The following ADAMTSL1 variants were observed in gnomAD, a reference collection of about 807,000 sequenced individuals.
ADAMTSL1 encodes the protein ADAMTS like 1, also known as ADAMTS-like protein 1.
In ADAMTSL1, 126 loss-of-function variants were observed where a neutral mutation model predicts 201.8. The ratio of observed to expected loss-of-function variants is 0.62; its 90% CI spans 0.54 to 0.72. The LOEUF (loss-of-function observed/expected upper bound fraction) is 0.72. Among genes scored for constraint, ADAMTSL1 ranks in the 30% least tolerant of loss-of-function variants. The pLI is 0.00. For missense variants in ADAMTSL1, 2,679 were observed against 2,277.8 expected (o/e 1.18, Z -3.59); for synonymous variants, 1,121 against 903.4 (o/e 1.24, Z -4.32).
At chr9:18,679,256 A>AT (rs1309391259) in intron 10 of ADAMTSL1, among the ~76,000 whole-genome samples, 1 of 152,198 alleles carries the variant, frequency 6.6e-6, no homozygotes, top group Non-Finnish European at 1.5e-5. Flanking sequence ...ACCCAGTGAC[A>AT]TTTTGTTTCT....
chr9:17,947,349 C>CA (rs1563913408), intron 1 of ADAMTSL1, among the ~76,000 whole-genome samples: 1 of 144,806 alleles, frequency 6.9e-6, no homozygotes, highest in African/African-American at 2.5e-5. Context: ...ACACACACCC[C>CA]ACTATGCACT....
In ADAMTSL1 at chr9:18,706,793, G is replaced by A. The variant is rs1477010817; in HGVS notation, c.1621G>A (p.Gly541Arg). 2 of 1,608,558 alleles carry A rather than the reference G, an allele frequency of 1.2e-6. No individual in the cohort carries two copies. The highest frequency in any genetic ancestry group is 2.2e-5 in the East Asian group (1 of 44,670). Residue 541 changes from glycine (G) to arginine (R), a missense_variant, in exon 14 of 29, where the codon GGG becomes AGG. Gly to Arg is a moderately radical substitution (Grantham distance 125). Transcript: ENST00000380548. ...GGCCTGCACAGTCACCTGTGGTGTG[G>A]GGACCCAGGTGCGAATAGTCAGGTG... ...WSACTVTCGVGTQVRIVRCQV... is the reference protein window; with the variant it reads ...WSACTVTCGVRTQVRIVRCQV...
chr9:18,874,620 T>C (rs1563878120), intron 23 of ADAMTSL1, among the ~76,000 whole-genome samples: 1 of 152,336 alleles, frequency 6.6e-6, no homozygotes, highest in East Asian at 1.9e-4. Context: ...ATCCCTGGTA[T>C]GAAACTTAAT....
At chr9:18,304,811 C>G (rs1833845264) in intron 2 of ADAMTSL1, among the ~76,000 whole-genome samples, 1 of 151,994 alleles carries the variant, frequency 6.6e-6, no homozygotes, top group African/African-American at 2.4e-5. Context: ...TCTCATGGGT[C>G]TAAATTAGGA....
At chr9:18,248,201 G>T (rs1305462555) in intron 2 of ADAMTSL1, among the ~76,000 whole-genome samples, 4 of 152,086 alleles carry the variant, frequency 2.6e-5, no homozygotes, top group Non-Finnish European at 4.4e-5. Flanking sequence ...GAGCATTCAC[G>T]TTGCTCATTC....
At chr9:17,983,064 C>CTTTTTTTTTTTTTTTTTT (rs202085722) in intron 1 of ADAMTSL1, among the ~76,000 whole-genome samples, 19 of 88,590 alleles carry the variant, frequency 2.1e-4, no homozygotes, top group Non-Finnish European at 3.2e-4. Context: ...TCTTTTCTTT[C>CTTTTTTTTTTTTTTTTTT]TTTCTTTCTT....
At chr9:18,857,413 C>T (rs1826929097) in intron 23 of ADAMTSL1, among the ~76,000 whole-genome samples, 1 of 152,176 alleles carries the variant, frequency 6.6e-6, no homozygotes, top group African/African-American at 2.4e-5. Flanking sequence ...GACCTTAACG[C>T]TTCTGAAGAT....
At chr9:18,828,432 G>C (rs1284653233) in intron 22 of ADAMTSL1, among the ~76,000 whole-genome samples, 1 of 151,684 alleles carries the variant, frequency 6.6e-6, no homozygotes, top group African/African-American at 2.4e-5. Flanking sequence ...GAGAGAAAGA[G>C]AGATGCTTTG....
At chr9:17,972,269 C>T (rs961613239) in intron 1 of ADAMTSL1, among the ~76,000 whole-genome samples, 3 of 132,356 alleles carry the variant, frequency 2.3e-5, no homozygotes, top group African/African-American at 8.3e-5. Context: ...TCCATTAACT[C>T]GTCATTTAGC....
At chr9:18,871,416 T>C (rs1001327926) in intron 23 of ADAMTSL1, among the ~76,000 whole-genome samples, 3 of 152,198 alleles carry the variant, frequency 2.0e-5, no homozygotes, top group African/African-American at 7.2e-5. Context: ...TCTTCTTCCT[T>C]CTTCAATCAC....
At chr9:18,783,410 G>A (rs564337660) in intron 19 of ADAMTSL1, among the ~76,000 whole-genome samples, 7 of 152,244 alleles carry the variant, frequency 4.6e-5, no homozygotes, top group South Asian at 2.1e-4. Context: ...CTCTTTCTAC[G>A]GTAGGGACCC....
At position 18,910,844 on chromosome 9, in the gene ADAMTSL1, C is replaced by T. The variant is rs1441384185; in HGVS notation, c.*2296C>T. The T allele has an allele frequency of 2.6e-5, 4 of 152,230 alleles. No homozygotes were observed. The highest frequency in any genetic ancestry group is 5.9e-5 in the Non-Finnish European group (4 of 68,032). The allele number at this position is 152,230 out of a possible 1,614,324, so 9.4% of individuals were successfully genotyped here. ...TGTGAATTGCAACTCAGCAGCACCACAAGACAATGAAGGCTGCTGGCTAAT... is the reference window on the plus strand; with the variant it reads ...TGTGAATTGCAACTCAGCAGCACCATAAGACAATGAAGGCTGCTGGCTAAT... On this transcript the variant is annotated 3_prime_UTR_variant, in exon 29 of 29. Transcript: ENST00000380548.
At chr9:18,890,396 C>A (rs1347504658) in intron 25 of ADAMTSL1, among the ~76,000 whole-genome samples, 1 of 152,194 alleles carries the variant, frequency 6.6e-6, no homozygotes, top group African/African-American at 2.4e-5. Context: ...CATCCTCTGT[C>A]CTCAGCAGTA....
intron 4 of ADAMTSL1, among the ~76,000 whole-genome samples, chr9:18,609,483 G>A (rs1185494813): frequency 2.6e-5 from 4 of 152,118 alleles, no homozygotes; most frequent in Non-Finnish European, 1.5e-5. Context: ...ACCTCTCAAG[G>A]AGAGTATATT....
rs1183954726 is a variant in ADAMTSL1, at chr9:18,504,846, C to A, written c.81C>A (p.Arg27=). The A allele has an allele frequency of 6.2e-7, 1 of 1,614,208 alleles. No individual in the cohort carries two copies. The highest frequency in any genetic ancestry group is 1.7e-5 in the Admixed American group (1 of 60,030). ...TCTCACAGAGTTCCAGGACCGCACG[C>A]TCCGAGGAGGACCGGGACGGCCTAT... is the stretch of plus-strand genomic sequence containing the variant. ...AFLLLSSRTA[R]SEEDRDGLWD... The change falls in exon 2 of 29, where the codon CGC becomes CGA. Residue 27 remains arginine (R), a synonymous_variant. Coordinates refer to ENST00000380548, the MANE Select transcript of ADAMTSL1 (RefSeq NM_001040272.6).
intron 1 of ADAMTSL1, among the ~76,000 whole-genome samples, chr9:18,116,810 C>T (rs1225177357): frequency 3.3e-5 from 5 of 152,166 alleles, no homozygotes; most frequent in Admixed American, 3.3e-4. Context: ...TGGTGTGCTG[C>T]ACCCATTAAC....
chr9:17,921,044 A>T (rs1191471075), intron 1 of ADAMTSL1, among the ~76,000 whole-genome samples: 1 of 152,166 alleles, frequency 6.6e-6, no homozygotes, highest in Non-Finnish European at 1.5e-5. Flanking sequence ...ATTTTCATAT[A>T]TCCTCAATAA....
At chr9:18,797,712 C>G (rs898178343) in intron 20 of ADAMTSL1, among the ~76,000 whole-genome samples, 1 of 152,162 alleles carries the variant, frequency 6.6e-6, no homozygotes, top group East Asian at 1.9e-4. Context: ...CATTGAGTCT[C>G]TGTTCTCATC....
chr9:18,681,615 C>T (rs901807559), intron 11 of ADAMTSL1, 197 bp from the exon 12 acceptor site: 5 of 376,888 alleles, frequency 1.3e-5, no homozygotes, highest in African/African-American at 6.7e-5. Context: ...TAATTTTCAG[C>T]GAGCTTCACC....
Sources: gnomAD v4.1 joint callset for allele counts (sites outside exome capture counted in the v4.1 genomes callset) on GRCh38, gnomAD v4.1.1 for gene constraint, MANE v1.5 for transcripts, NCBI Gene and HGNC (gene_info 2026-07-23, HGNC 2026-07-21) for gene names.